Variants in SERINC5 observed in about 807,000 individuals in gnomAD.
SERINC5 encodes serine incorporator 5, also known as chromosome 5 open reading frame 12.
A neutral mutation model predicts 63.1 loss-of-function variants in SERINC5; 41 were observed. That is an observed-to-expected ratio of 0.65 (90% CI 0.51 to 0.84). The LOEUF (loss-of-function observed/expected upper bound fraction) is 0.84, where lower values mean the gene tolerates loss of function less well. Ranked by LOEUF, SERINC5 falls within the 40% of genes least tolerant of loss-of-function variation. The pLI is 0.00. For synonymous variants in SERINC5, 222 were observed against 215.2 expected (o/e 1.03, Z -0.28); for missense variants, 523 against 573.0 (o/e 0.91, Z 0.89).
chr5:80,150,933 T>C lies in SERINC5; in HGVS notation c.1002A>G (p.Thr334=). 6.2e-7 allele frequency: 1 copy of C among 1,613,326 alleles called. No individual in the cohort carries two copies. Among genetic ancestry groups the C allele is most frequent in the Non-Finnish European group, 8.5e-7 (1 of 1,179,254 alleles). Residue 334 remains threonine (T), a synonymous_variant, in exon 9 of 12, where the codon ACA becomes ACG. Transcript: ENST00000507668. ...CCTGCAGAGCGTCAGAACTCGATCT[T>C]GTTGTTGATGTCAAACTAAGAAACA... The part of the protein sequence containing the change: ...CILYSCLTST[T]RSSSDALQGR...
intron 10 of SERINC5, 43 bp downstream of exon 10, chr5:80,147,202 T>G: frequency 6.4e-7 from 1 of 1,551,882 alleles, no homozygotes; most frequent in Non-Finnish European, 8.8e-7. Context: ...GTTATAGGTC[T>G]GCAGTGCCAC....
intron 2 of SERINC5, among the ~76,000 whole-genome samples, chr5:80,199,124 C>T (rs1460412266): frequency 6.6e-6 from 1 of 152,206 alleles, no homozygotes; most frequent in African/African-American, 2.4e-5. Context: ...CACTACAATT[C>T]CTGCAAGATG....
Position 80,142,162 on chromosome 5 carries a change from G to C in SERINC5, c.*1501C>G. 2.0e-6 allele frequency: 2 copies of C among 985,330 alleles called. No individual in the cohort carries two copies. Among genetic ancestry groups the C allele is most frequent in the Non-Finnish European group, 2.4e-6 (2 of 829,912 alleles). 61.0% of individuals were successfully genotyped at this position (985,330 alleles called of 1,614,324 possible). On this transcript the variant is annotated 3_prime_UTR_variant, in exon 12 of 12. Coordinates refer to ENST00000507668, the MANE Select transcript of SERINC5 (RefSeq NM_001174072.3). ...TCCACCCCGAATGAAATTCTAACAGGAGTTTCCACCAAGTAAACCTTTTCC... is the reference window on the plus strand; with the variant it reads ...TCCACCCCGAATGAAATTCTAACAGCAGTTTCCACCAAGTAAACCTTTTCC...
chr5:80,188,771 C>T (rs558730270), intron 2 of SERINC5, among the ~76,000 whole-genome samples: 8 of 152,078 alleles, frequency 5.3e-5, no homozygotes, highest in Middle Eastern at 3.4e-3. Flanking sequence ...GCCTGTAGTC[C>T]CAGTTACTCA....
intron 1 of SERINC5, among the ~76,000 whole-genome samples, chr5:80,237,350 T>TTTTTA (rs1309064866): frequency 6.6e-6 from 1 of 151,696 alleles, no homozygotes; most frequent in Non-Finnish European, 1.5e-5. Context: ...TCTCTCTTTT[T>TTTTTA]TTTTCATGTC....
At chr5:80,166,719 T>G in intron 6 of SERINC5, 1 of 359,442 alleles carries the variant, frequency 2.8e-6, no homozygotes, top group South Asian at 2.9e-5. Flanking sequence ...CCAAGTTATC[T>G]ACCAATACTT....
intron 5 of SERINC5, among the ~76,000 whole-genome samples, chr5:80,173,198 G>GA (rs1439337590): frequency 6.7e-6 from 1 of 150,304 alleles, no homozygotes; most frequent in African/African-American, 2.5e-5. Context: ...AAAGGAAAAG[G>GA]AAAGGAAGAG....
In SERINC5 at chr5:80,133,424, G is replaced by A. The variant is rs549338104; in HGVS notation, c.1238+12666C>T. ...CACTGTCACTTGTAGCAATGTGGAAGATGGTACATGTGTTCATGAACTGGC... is the reference window on the plus strand; with the variant it reads ...CACTGTCACTTGTAGCAATGTGGAAAATGGTACATGTGTTCATGAACTGGC... On this transcript the variant is annotated intron_variant, in intron 11 of 12. Coordinates refer to the SERINC5 transcript ENST00000509193. 3.3e-5 allele frequency among the ~76,000 whole-genome samples: 5 copies of A among 152,320 alleles called. No individual in the cohort carries two copies. The South Asian group carries it at 1.0e-3, about 32-fold the overall frequency.
At chr5:80,219,912 TAGA>T (rs1403434241) in intron 1 of SERINC5, among the ~76,000 whole-genome samples, 3 of 152,018 alleles carry the variant, frequency 2.0e-5, no homozygotes, top group African/African-American at 7.3e-5. Context: ...AGTACAGAGA[TAGA>T]AGCAAGTCAC....
At chr5:80,138,528 G>A (rs1168324431), downstream of SERINC5, among the ~76,000 whole-genome samples, 2 of 151,944 alleles carry the variant, frequency 1.3e-5, no homozygotes, top group South Asian at 2.1e-4. Flanking sequence ...CCTGGGAGGC[G>A]GTGGTTGCAG....
chr5:80,198,780 G>T, intron 2 of SERINC5: 1 of 851,710 alleles, frequency 1.2e-6, no homozygotes, highest in Non-Finnish European at 1.4e-6. Flanking sequence ...CAGCTCCCTT[G>T]TGAGGCCCTA....
At chr5:80,229,050 T>TGGGGGGGAGG (rs1174325559) in intron 1 of SERINC5, among the ~76,000 whole-genome samples, 3 of 94,104 alleles carry the variant, frequency 3.2e-5, no homozygotes, top group Non-Finnish European at 6.4e-5. Context: ...TTTTTTTTTT[T>TGGGGGGGAGG]GGGGATGGAG....
intron 1 of SERINC5, among the ~76,000 whole-genome samples, chr5:80,231,104 G>A (rs536857853): frequency 3.3e-5 from 5 of 152,222 alleles, no homozygotes; most frequent in Non-Finnish European, 5.9e-5. Context: ...AACAGCCCCA[G>A]GTAGTTTCAA....
At chr5:80,164,339 G>GGGGGGGA (rs1747132365) in intron 7 of SERINC5, among the ~76,000 whole-genome samples, 1 of 145,650 alleles carries the variant, frequency 6.9e-6, no homozygotes, top group Non-Finnish European at 1.5e-5. Context: ...GGGTTTTTTT[G>GGGGGGGA]GGGGGGAGGG....
chr5:80,227,054 C>A (rs13355674), intron 1 of SERINC5, among the ~76,000 whole-genome samples: 46,131 of 151,676 alleles, frequency 0.3, 7,285 homozygotes, highest in Admixed American at 0.4. Context: ...CCCCACCACG[C>A]CCGGCTAATT....
rs140862327 is a variant in SERINC5 at position 80,147,619 on chromosome 5, G to A, written c.1054-335C>T. 1.4e-3 allele frequency among the ~76,000 whole-genome samples: 218 copies of A among 152,244 alleles called. 2 individuals are homozygous for A. The highest frequency in any genetic ancestry group is 5.0e-3 in the African/African-American group (206 of 41,538). On this transcript the variant is annotated intron_variant, in intron 9 of 11. Coordinates refer to ENST00000507668, the MANE Select transcript of SERINC5 (RefSeq NM_001174072.3). ...CGTGCCTTTATGGCTCCTAGGGTTAGGGAGGCTTTGTCCAGCTGCACTGTC... is the reference window on the plus strand; with the variant it reads ...CGTGCCTTTATGGCTCCTAGGGTTAAGGAGGCTTTGTCCAGCTGCACTGTC...
intron 1 of SERINC5, among the ~76,000 whole-genome samples, chr5:80,245,804 G>A (rs1473278379): frequency 2.0e-5 from 3 of 151,270 alleles, no homozygotes; most frequent in Non-Finnish European, 4.4e-5. Flanking sequence ...TAGTAGAGAC[G>A]GGGCTTCACC....
Position 80,141,938 on chromosome 5 carries a change from T to C in SERINC5, c.*1725A>G. On this transcript the variant is annotated 3_prime_UTR_variant, in exon 12 of 12. Coordinates refer to ENST00000507668, the MANE Select transcript of SERINC5 (RefSeq NM_001174072.3). The stretch of plus-strand genomic sequence containing the variant: ...TCATCCCCTGTAATTTGTTTCCCCA[T>C]GGGTTTTCTTGGGAGAAGGGCAAAG... 2.0e-6 allele frequency: 2 copies of C among 985,350 alleles called. No homozygotes were observed. Among genetic ancestry groups the C allele is most frequent in the Non-Finnish European group, 1.2e-6 (1 of 829,898 alleles). The allele number at this position is 985,350 out of a possible 1,614,324, so 61.0% of individuals were successfully genotyped here.
chr5:80,191,676 A>G (rs896800556), intron 2 of SERINC5, among the ~76,000 whole-genome samples: 9 of 141,294 alleles, frequency 6.4e-5, no homozygotes, highest in African/African-American at 2.2e-4. Context: ...AAAAAAAAAA[A>G]GAAAGAAAAA....
Sources: gnomAD v4.1 joint callset for allele counts (sites outside exome capture counted in the v4.1 genomes callset) on GRCh38, gnomAD v4.1.1 for gene constraint, MANE v1.5 for transcripts, NCBI Gene and HGNC (gene_info 2026-07-23, HGNC 2026-07-21) for gene names.